Variants in RUNDC3A observed in about 807,000 individuals in gnomAD.
RUNDC3A encodes the protein RUN domain-containing protein 3A.
RUNDC3A carries 28 observed loss-of-function variants against 53.9 expected under a neutral mutation model. The observed-to-expected ratio is 0.52, with a 90% CI of 0.38 to 0.71. RUNDC3A has a LOEUF of 0.71. Ranked by LOEUF, RUNDC3A falls within the 30% of genes least tolerant of loss-of-function variation. The pLI is 0.00. For missense variants in RUNDC3A, 491 were observed against 597.3 expected, an observed-to-expected ratio of 0.82 and a Z score of 1.85; for synonymous variants, 232 against 249.4, an observed-to-expected ratio of 0.93 and a Z score of 0.66.
At chr17:44,317,906 C>T in intron 10 of RUNDC3A, 190 bp from the exon 11 acceptor site, 1 of 605,028 alleles carries the variant, frequency 1.7e-6, no homozygotes, top group Non-Finnish European at 2.9e-6. Flanking sequence ...GATTACAATA[C>T]AGTGTCCCCA....
chr17:44,315,893 G>A lies in RUNDC3A; in HGVS notation c.953+284G>A, dbSNP rs1432034015. Among the ~76,000 whole-genome samples, 1 of 151,970 alleles carries A rather than the reference G, an allele frequency of 6.6e-6. No individual in the cohort carries two copies. The highest frequency in any genetic ancestry group is 1.5e-5 in the Non-Finnish European group (1 of 67,986). On this transcript the variant is annotated intron_variant, in intron 8 of 10. Transcript: ENST00000426726. This position sits in a 1 kb window ranked among gnomAD's most constrained non-coding sequence, Gnocchi z 6.1. ...TCCAACCTTACTGCAGGGACCCCAC[G>A]TCACTCACAAGGACCTGCGGTGTTG...
chr17:44,310,744 C>T (rs2047733857), intron 1 of RUNDC3A: 1 of 985,544 alleles, frequency 1.0e-6, no homozygotes, highest in Non-Finnish European at 1.2e-6. Flanking sequence ...GCAATGACCA[C>T]CTCTGCGGCA....
At chr17:44,316,571 G>A in intron 9 of RUNDC3A, 48 bp from the exon 10 acceptor site, 1 of 1,582,504 alleles carries the variant, frequency 6.3e-7, no homozygotes. Flanking sequence ...GTCGTCCTGG[G>A]GAAGAAGGGC....
intron 1 of RUNDC3A, among the ~76,000 whole-genome samples, chr17:44,309,429 G>A (rs961651306): frequency 5.3e-5 from 8 of 152,188 alleles, no homozygotes; most frequent in African/African-American, 9.7e-5. Flanking sequence ...CAGAGCCCAT[G>A]AATCCTTCCA....
intron 10 of RUNDC3A, chr17:44,317,360 A>T: frequency 1.4e-6 from 1 of 731,154 alleles, no homozygotes; most frequent in Non-Finnish European, 2.6e-6. Context: ...GTGGTTTTTT[A>T]GTGTCATGAC....
Position 44,308,690 on chromosome 17 carries a change from C to G in RUNDC3A, c.-143C>G, listed in dbSNP as rs940011292. 6 of 476,516 alleles carry G rather than the reference C, an allele frequency of 1.3e-5. No individual in the cohort carries two copies. The highest frequency in any genetic ancestry group is 8.2e-5 in the African/African-American group (4 of 48,860). 29.5% of individuals were successfully genotyped at this position (476,516 alleles called of 1,614,324 possible). Reference sequence around the variant, plus strand: ...GGGAGGGAGCGAGGGGGCCGGGCACCGGGCGCAAAGGCAGGGGGATGGCCA... The same window carrying G: ...GGGAGGGAGCGAGGGGGCCGGGCACGGGGCGCAAAGGCAGGGGGATGGCCA... On this transcript the variant is annotated 5_prime_UTR_variant, in exon 1 of 11. Coordinates refer to ENST00000426726, the MANE Select transcript of RUNDC3A (RefSeq NM_001144825.2).
chr17:44,311,890 CT>C (rs2047753773), intron 1 of RUNDC3A, among the ~76,000 whole-genome samples: 1 of 152,118 alleles, frequency 6.6e-6, no homozygotes, highest in South Asian at 2.1e-4. Flanking sequence ...TGCCCAGTGT[CT>C]GTGTCAGGCC....
Position 44,315,516 on chromosome 17 carries a change from G to T in RUNDC3A, c.860G>T (p.Arg287Leu), listed in dbSNP as rs191512252. 1 of 1,517,346 alleles carries T rather than the reference G, an allele frequency of 6.6e-7. No homozygotes were observed. 94.0% of individuals were successfully genotyped at this position (1,517,346 alleles called of 1,614,324 possible). A position where few individuals can be genotyped will look rare whatever the true frequency, so the allele number is the denominator to read the frequency against. ...CTGAAGGACCTGGAGGCGGAGAACCGGCGGCTTCAGCTGCAGCTGGAGGAG... is the reference window on the plus strand; with the variant it reads ...CTGAAGGACCTGGAGGCGGAGAACCTGCGGCTTCAGCTGCAGCTGGAGGAG... ...SQLKDLEAEN[R>L]RLQLQLEEAA... The change falls in exon 8 of 11, where the codon CGG becomes CTG. Residue 287 changes from arginine to leucine, a missense_variant. Arg to Leu is a moderately radical substitution (Grantham distance 102). Transcript: ENST00000426726. The surrounding 1 kb of genome is among the most constrained non-coding windows in gnomAD (Gnocchi z 6.1).
intron 4 of RUNDC3A, chr17:44,314,276 G>A (rs2047808519): frequency 9.9e-7 from 1 of 1,012,598 alleles, no homozygotes; most frequent in Non-Finnish European, 1.2e-6. Flanking sequence ...GGAGGAGTGT[G>A]CCTGTGTGGG....
intron 4 of RUNDC3A, chr17:44,313,878 C>T: frequency 1.2e-6 from 1 of 805,392 alleles, no homozygotes; most frequent in East Asian, 1.2e-4. Context: ...CCATGTTGGT[C>T]AGGCTGGTCT....
At chr17:44,314,484 C>T (rs2047812294) in intron 4 of RUNDC3A, 1 of 1,401,202 alleles carries the variant, frequency 7.1e-7, no homozygotes, top group Non-Finnish European at 9.3e-7. Context: ...TCTGGGTAAC[C>T]CAGTACTTGA....
chr17:44,314,673 CTGGGGGG>C, intron 4 of RUNDC3A, 55 bp from the exon 5 acceptor site: 4 of 601,152 alleles, frequency 6.7e-6, no homozygotes, highest in Non-Finnish European at 1.0e-5. Flanking sequence ...AATAGCAGCT[CTGGGGGG>C]GGGGGGGGCG....
In RUNDC3A at chr17:44,318,306, A is replaced by G. The variant is rs980995620; in HGVS notation, c.*68A>G. 1 of 1,484,476 alleles carries G rather than the reference A, an allele frequency of 6.7e-7. No individual in the cohort carries two copies. The highest frequency in any genetic ancestry group is 9.1e-7 in the Non-Finnish European group (1 of 1,093,422). The allele number at this position is 1,484,476 out of a possible 1,614,324, so 92.0% of individuals were successfully genotyped here. On this transcript the variant is annotated 3_prime_UTR_variant, in exon 11 of 11. Transcript: ENST00000426726. ...GGACACCTGCCACCTTTCTTCAACA[A>G]GAGTCCCCCAATCCAGGCTACCCTT...
rs2047686819 is a variant in RUNDC3A at position 44,308,606 on chromosome 17, G to A, written c.-227G>A. ...CTGGAGGAGGGGGTGACGGGGCCCC[G>A]GCTCAGCACCTCGGAGAGCTCCCTC... On this transcript the variant is annotated 5_prime_UTR_variant, in exon 1 of 11. Coordinates refer to ENST00000426726, the MANE Select transcript of RUNDC3A (RefSeq NM_001144825.2). The A allele has an allele frequency of 4.8e-6, 2 of 416,196 alleles. No individual in the cohort carries two copies. The highest frequency in any genetic ancestry group is 6.1e-4 in the Middle Eastern group (1 of 1,632). 25.8% of individuals were successfully genotyped at this position (416,196 alleles called of 1,614,324 possible). A position where few individuals can be genotyped will look rare whatever the true frequency, so the allele number is the denominator to read the frequency against.
At position 44,312,615 on chromosome 17, in the gene RUNDC3A, C is replaced by A; in HGVS notation, c.143C>A (p.Ala48Glu). 1 of 1,581,844 alleles carries A rather than the reference C, an allele frequency of 6.3e-7. No homozygotes were observed. Among genetic ancestry groups the A allele is most frequent in the Admixed American group, 1.8e-5 (1 of 55,144 alleles). Residue 48 changes from alanine (A) to glutamate (E), a missense_variant, in exon 2 of 11, where the codon GCG becomes GAG. Ala to Glu is a moderately radical substitution (Grantham distance 107). Around this residue, in one of 2 missense-constraint regions of RUNDC3A, gnomAD observed 273 missense variants for 389.0 expected, o/e 0.70. Transcript: ENST00000426726. ...AAAACGCTGCTGGAGAAGTACACAG[C>A]GGAGCCCATCGATGACTCATCGGAG... The part of the protein sequence containing the change: ...SVKTLLEKYT[A>E]EPIDDSSEEF...
intron 10 of RUNDC3A, 57 bp from the exon 11 acceptor site, chr17:44,318,039 T>C (rs1473473825): frequency 1.3e-6 from 2 of 1,515,120 alleles, no homozygotes; most frequent in Non-Finnish European, 1.8e-6. Context: ...CCCACCCCTC[T>C]ACCAACTCCC....
At position 44,315,242 on chromosome 17, in the gene RUNDC3A, G is replaced by C; in HGVS notation, c.717G>C (p.Pro239=). The C allele has an allele frequency of 6.4e-7, 1 of 1,550,928 alleles. No individual in the cohort carries two copies. Among genetic ancestry groups the C allele is most frequent in the Non-Finnish European group, 8.7e-7 (1 of 1,146,946 alleles). ...ACTCGCCCGAGCACCCGTACCTCCC[G>C]CTCGTCACCGATGAGGACAGCTGGT... The part of the protein sequence containing the change: ...EDNSPEHPYL[P]LVTDEDSWYS... Residue 239 remains proline, a synonymous_variant, in exon 7 of 11, where the codon CCG becomes CCC. Coordinates refer to ENST00000426726, the MANE Select transcript of RUNDC3A (RefSeq NM_001144825.2). The surrounding 1 kb of genome is among the most constrained non-coding windows in gnomAD (Gnocchi z 6.1).
In RUNDC3A at chr17:44,316,692, G is replaced by A. The variant is rs2047871030; in HGVS notation, c.1165G>A (p.Gly389Ser). The change falls in exon 10 of 11, where the codon GGC becomes AGC. Residue 389 changes from glycine (G) to serine (S), a missense_variant. Transcript: ENST00000426726. Reference protein sequence around the residue: ...LSSDSQRLGEGTRDEEPWGPI... With the variant: ...LSSDSQRLGESTRDEEPWGPI... The stretch of plus-strand genomic sequence containing the variant: ...CTCGGACTCCCAGCGCCTGGGAGAG[G>A]GCACGCGGGACGAGGAGCCCTGGGG... The A allele has an allele frequency of 1.3e-6, 2 of 1,549,896 alleles. No homozygotes were observed. The highest frequency in any genetic ancestry group is 2.7e-5 in the African/African-American group (2 of 73,022).
At chr17:44,311,440 C>A in intron 1 of RUNDC3A, 1 of 724,328 alleles carries the variant, frequency 1.4e-6, no homozygotes, top group Non-Finnish European at 1.7e-6. Context: ...ACCTCTTGGA[C>A]CATCAATTTC....
Sources: allele counts gnomAD v4.1 joint callset (sites outside exome capture counted in the v4.1 genomes callset), GRCh38; gene constraint gnomAD v4.1.1; regional missense constraint gnomAD v4.1.1; non-coding constraint Gnocchi (gnomAD v3.1); transcripts MANE v1.5; gene names NCBI Gene and HGNC (gene_info 2026-07-23, HGNC 2026-07-21).